Variants in MOSMO observed in about 807,000 individuals in gnomAD.
MOSMO encodes modulator of smoothened, also known as modulator of smoothened protein.
Under a neutral mutation model 18.4 loss-of-function variants are expected in MOSMO, and 5 were observed. That is an observed-to-expected ratio of 0.27 (90% confidence interval 0.14 to 0.57). The LOEUF (loss-of-function observed/expected upper bound fraction) is 0.57. Among genes scored for constraint, MOSMO ranks in the 20% least tolerant of loss-of-function variants. The pLI, the probability that MOSMO is intolerant of heterozygous loss-of-function variation, is 0.92. For synonymous variants in MOSMO, 82 were observed against 82.3 expected (o/e 1.00, Z 0.02); for missense variants, 138 against 211.8 (o/e 0.65, Z 2.16).
At chr16:22,039,118 A>G (rs997469860) in intron 1 of MOSMO, among the ~76,000 whole-genome samples, 2 of 152,214 alleles carry the variant, frequency 1.3e-5, no homozygotes. Context: ...TCTAAGCTTC[A>G]GTTTCCTAAC....
At position 22,021,224 on chromosome 16, in the gene MOSMO, A is replaced by G. The variant is rs146610907; in HGVS notation, c.106+12817A>G. 4.1e-3 allele frequency among the ~76,000 whole-genome samples: 626 copies of G among 152,326 alleles called. 5 individuals are homozygous for G. The highest frequency in any genetic ancestry group is 0.014 in the African/African-American group (580 of 41,574). On this transcript the variant is annotated intron_variant, in intron 1 of 2. Transcript: ENST00000542527. ...GTTACTGCTCGTTGAGGGGACCTCT[A>G]TGGTTGGATAGAGTAAGGAGAAAAA...
At chr16:22,046,033 C>A (rs1900302864) in intron 1 of MOSMO, among the ~76,000 whole-genome samples, 1 of 131,388 alleles carries the variant, frequency 7.6e-6, no homozygotes, top group South Asian at 3.0e-4. Flanking sequence ...CCCCCTCCCC[C>A]CACCCCACAA....
intron 1 of MOSMO, among the ~76,000 whole-genome samples, chr16:22,032,611 A>G (rs896207921): frequency 1.1e-4 from 16 of 151,986 alleles, no homozygotes; most frequent in South Asian, 2.1e-4. Context: ...AGTGACCCCA[A>G]TCATAGCTCA....
chr16:22,044,186 A>G (rs1900263984), intron 1 of MOSMO, among the ~76,000 whole-genome samples: 1 of 152,100 alleles, frequency 6.6e-6, no homozygotes, highest in African/African-American at 2.4e-5. Flanking sequence ...TTGGGTGGGG[A>G]TAGAGCCAAA....
At chr16:22,013,608 A>G (rs1354048337) in intron 1 of MOSMO, among the ~76,000 whole-genome samples, 1 of 152,150 alleles carries the variant, frequency 6.6e-6, no homozygotes, top group African/African-American at 2.4e-5. Context: ...GGAAGGCATT[A>G]TCCCCTCACA....
At chr16:22,080,033 C>T (rs1010804906) in intron 2 of MOSMO, among the ~76,000 whole-genome samples, 4 of 152,176 alleles carry the variant, frequency 2.6e-5, no homozygotes, top group African/African-American at 9.7e-5. Context: ...ATCCGCCCGC[C>T]TCGGCCCCCC....
chr16:22,086,783 A>C (rs759572616), downstream of MOSMO, among the ~76,000 whole-genome samples: 17 of 152,350 alleles, frequency 1.1e-4, no homozygotes, highest in Non-Finnish European at 2.4e-4. Context: ...TTGAATGCAA[A>C]GAGTATGGCT....
At chr16:22,057,176 A>G (rs1054811392) in intron 1 of MOSMO, among the ~76,000 whole-genome samples, 25 of 152,202 alleles carry the variant, frequency 1.6e-4, no homozygotes, top group Non-Finnish European at 2.9e-5. Context: ...CTATAACAAT[A>G]CCTAAGACTG....
chr16:22,020,371 T>C (rs73533950), intron 1 of MOSMO, among the ~76,000 whole-genome samples: 47,846 of 142,464 alleles, frequency 0.34, 9,596 homozygotes, highest in East Asian at 0.69. Flanking sequence ...CTCGGATCAC[T>C]GCAACCTCCG....
chr16:22,036,847 A>G (rs146932822), intron 1 of MOSMO, among the ~76,000 whole-genome samples: 407 of 152,340 alleles, frequency 2.7e-3, no homozygotes, highest in Non-Finnish European at 4.1e-3. Context: ...GTAGGAGGCT[A>G]TTTTAATATG....
At chr16:22,044,551 C>T (rs1254366771) in intron 1 of MOSMO, among the ~76,000 whole-genome samples, 3 of 152,122 alleles carry the variant, frequency 2.0e-5, no homozygotes, top group Non-Finnish European at 2.9e-5. Context: ...ATTGGGGATG[C>T]TCAACCGTAA....
At chr16:22,067,290 G>T (rs1399623319) in intron 1 of MOSMO, among the ~76,000 whole-genome samples, 1 of 152,132 alleles carries the variant, frequency 6.6e-6, no homozygotes, top group African/African-American at 2.4e-5. Context: ...AGAAAAAGGA[G>T]CGGAAAGAAT....
intron 1 of MOSMO, among the ~76,000 whole-genome samples, chr16:22,017,880 A>G (rs1191263757): frequency 6.6e-6 from 1 of 152,140 alleles, no homozygotes; most frequent in Non-Finnish European, 1.5e-5. Context: ...TTTAGAGTTG[A>G]CAAAAAAAAA....
At chr16:22,030,346 C>T (rs1354885308) in intron 1 of MOSMO, among the ~76,000 whole-genome samples, 1 of 152,150 alleles carries the variant, frequency 6.6e-6, no homozygotes, top group African/African-American at 2.4e-5. Context: ...CCGTATTTTC[C>T]AAACAGTCAA....
At chr16:22,074,795 C>A (rs185678789) in intron 1 of MOSMO, among the ~76,000 whole-genome samples, 1 of 152,214 alleles carries the variant, frequency 6.6e-6, no homozygotes, top group East Asian at 1.9e-4. Context: ...TTCTGTGAAG[C>A]ATGCCAGCCA....
At chr16:22,009,804 C>CAAAAAAA (rs56313303) in intron 1 of MOSMO, among the ~76,000 whole-genome samples, 2,786 of 36,038 alleles carry the variant, frequency 0.077, 13 homozygotes, top group Middle Eastern at 0.12. Flanking sequence ...ACTAAAAATA[C>CAAAAAAA]AAAAAAAAAA....
chr16:22,011,053 A>G (rs2141976079), intron 1 of MOSMO, among the ~76,000 whole-genome samples: 1 of 152,288 alleles, frequency 6.6e-6, no homozygotes, highest in Admixed American at 6.5e-5. Flanking sequence ...GATAGGAGCA[A>G]TGGATGTCCA....
At chr16:22,075,239 T>C in intron 1 of MOSMO, 2 of 592,154 alleles carry the variant, frequency 3.4e-6, no homozygotes, top group South Asian at 3.1e-5. Flanking sequence ...ATTTAATGAA[T>C]GCCTGAGTGA....
chr16:22,060,426 A>C (rs1900619254), intron 1 of MOSMO, among the ~76,000 whole-genome samples: 1 of 152,224 alleles, frequency 6.6e-6, no homozygotes, highest in African/African-American at 2.4e-5. Flanking sequence ...GTTCTATATC[A>C]TTAAACATTA....
Sources: gnomAD v4.1 joint callset for allele counts (sites outside exome capture counted in the v4.1 genomes callset) on GRCh38, gnomAD v4.1.1 for gene constraint, MANE v1.5 for transcripts, NCBI Gene and HGNC (gene_info 2026-07-23, HGNC 2026-07-21) for gene names.